The following RBFOX1 variants were observed in gnomAD, a reference collection of about 807,000 sequenced individuals.
The protein encoded by RBFOX1 is RNA binding protein fox-1 homolog 1.
A neutral mutation model predicts 57.7 loss-of-function variants in RBFOX1; 8 were observed. That is an observed-to-expected ratio of 0.14 (90% CI 0.08 to 0.25). The LOEUF is 0.25. Among genes scored for constraint, RBFOX1 ranks in the 10% least tolerant of loss-of-function variants. RBFOX1 has a pLI of 1.00. For missense variants in RBFOX1, 611 were observed against 548.5 expected (o/e 1.11, Z -1.14); for synonymous variants, 326 against 222.4 (o/e 1.47, Z -4.15).
Position 7,368,958 on chromosome 16 carries a change from C to CT in RBFOX1, c.28-149181dup, listed in dbSNP as rs930105000. On this transcript the variant is annotated intron_variant, in intron 4 of 15. Transcript: ENST00000550418. Reference sequence around the variant, plus strand: ...GGAATGAGAAGGGAGGTGAATCTTTCTTTTTTTTAACACAATGATCCTGCA... The same window carrying CT: ...GGAATGAGAAGGGAGGTGAATCTTTCTTTTTTTTTAACACAATGATCCTGCA... 6.0e-4 allele frequency among the ~76,000 whole-genome samples: 91 copies of CT among 151,848 alleles called. 1 individual carries two copies. The highest frequency in any genetic ancestry group is 2.1e-3 in the African/African-American group (88 of 41,380).
intron 1 of RBFOX1, among the ~76,000 whole-genome samples, chr16:6,220,228 A>G (rs2097363527): frequency 1.3e-5 from 2 of 152,140 alleles, no homozygotes; most frequent in South Asian, 4.2e-4. Flanking sequence ...TCATCTATCC[A>G]TTTATCGTCT....
At chr16:6,552,054 C>T (rs989182985) in intron 2 of RBFOX1, among the ~76,000 whole-genome samples, 2 of 152,180 alleles carry the variant, frequency 1.3e-5, no homozygotes, top group Non-Finnish European at 2.9e-5. Flanking sequence ...TGCCTCCCAC[C>T]TTTGCTTGGT....
At chr16:5,332,833 C>T (rs1214080029) in intron 1 of RBFOX1, among the ~76,000 whole-genome samples, 1 of 151,634 alleles carries the variant, frequency 6.6e-6, no homozygotes, top group African/African-American at 2.4e-5. Context: ...AGAAATAAAC[C>T]AGCCCTATTA....
At chr16:7,195,646 C>G (rs891988213) in intron 4 of RBFOX1, among the ~76,000 whole-genome samples, 1 of 152,166 alleles carries the variant, frequency 6.6e-6, no homozygotes, top group Non-Finnish European at 1.5e-5. Flanking sequence ...CAACCTCCAC[C>G]TCCCAGGTTC....
intron 3 of RBFOX1, among the ~76,000 whole-genome samples, chr16:6,687,812 G>C (rs1041002696): frequency 1.3e-5 from 2 of 152,200 alleles, no homozygotes; most frequent in African/African-American, 4.8e-5. Context: ...GCTAGAACAA[G>C]TCACATGGGC....
intron 4 of RBFOX1, chr16:7,328,907 C>T (rs1010195098): frequency 6.6e-6 from 1 of 152,106 alleles, no homozygotes; most frequent in Non-Finnish European, 1.5e-5. Flanking sequence ...GGACCATTGC[C>T]TGTTTTTGTA....
intron 4 of RBFOX1, among the ~76,000 whole-genome samples, chr16:5,944,812 A>T (rs2059362490): frequency 6.9e-6 from 1 of 145,126 alleles, no homozygotes. Context: ...AAAAAAAATT[A>T]GCTGGGTGTG....
intron 3 of RBFOX1, among the ~76,000 whole-genome samples, chr16:5,815,156 A>ATTT (rs71142650): frequency 0.02 from 2,292 of 114,190 alleles, 71 homozygotes; most frequent in Middle Eastern, 0.036. Flanking sequence ...ATTTAATTTA[A>ATTT]TTTTTTTTTT....
chr16:5,962,612 T>A (rs932298238), intron 4 of RBFOX1, among the ~76,000 whole-genome samples: 1 of 152,186 alleles, frequency 6.6e-6, no homozygotes, highest in African/African-American at 2.4e-5. Flanking sequence ...TAGTCATTCA[T>A]TCACTGAGCA....
At chr16:7,201,977 C>G (rs985023817) in intron 4 of RBFOX1, among the ~76,000 whole-genome samples, 5 of 152,242 alleles carry the variant, frequency 3.3e-5, no homozygotes, top group Admixed American at 2.0e-4. Flanking sequence ...CCAATTAACA[C>G]CTAAGTAGCA....
intron 3 of RBFOX1, among the ~76,000 whole-genome samples, chr16:6,968,608 C>T (rs1013329003): frequency 1.3e-5 from 2 of 151,950 alleles, no homozygotes; most frequent in Non-Finnish European, 2.9e-5. Context: ...TCCTCCCATC[C>T]TGTCAGTTTC....
chr16:6,936,686 A>G (rs2077418856), intron 3 of RBFOX1, among the ~76,000 whole-genome samples: 1 of 152,094 alleles, frequency 6.6e-6, no homozygotes, highest in Admixed American at 6.6e-5. Flanking sequence ...TAAGGCTGAG[A>G]GAGGATAGCA....
At chr16:6,957,046 C>T (rs147623123) in intron 3 of RBFOX1, among the ~76,000 whole-genome samples, 15 of 140,458 alleles carry the variant, frequency 1.1e-4, no homozygotes, top group East Asian at 3.9e-4. Context: ...CATATTCCAT[C>T]GGCAGAGCAG....
chr16:7,557,025 A>G (rs1471530221), intron 5 of RBFOX1, among the ~76,000 whole-genome samples: 1 of 152,202 alleles, frequency 6.6e-6, no homozygotes, highest in East Asian at 1.9e-4. Context: ...TATATCAATT[A>G]TTGAACAGTT....
intron 1 of RBFOX1, among the ~76,000 whole-genome samples, chr16:6,194,801 A>G (rs138960645): frequency 1.1e-3 from 169 of 152,304 alleles, no homozygotes; most frequent in Non-Finnish European, 2.0e-3. Flanking sequence ...CGTTTCGTGT[A>G]CCTTCCCTTG....
intron 3 of RBFOX1, among the ~76,000 whole-genome samples, chr16:5,819,668 C>A (rs1452318155): frequency 6.6e-6 from 1 of 152,242 alleles, no homozygotes; most frequent in Non-Finnish European, 1.5e-5. Context: ...TCTCCAGGCC[C>A]TTATCTATGC....
At chr16:7,709,228 T>C in intron 15 of RBFOX1, 97 bp downstream of exon 15, 1 of 1,202,588 alleles carries the variant, frequency 8.3e-7, no homozygotes, top group Non-Finnish European at 1.2e-6. Flanking sequence ...TCACTTCCCG[T>C]TAATTGAATT....
intron 3 of RBFOX1, among the ~76,000 whole-genome samples, chr16:6,713,045 T>C (rs544212193): frequency 6.6e-6 from 1 of 152,112 alleles, no homozygotes; most frequent in South Asian, 2.1e-4. Flanking sequence ...CCACCATGAT[T>C]GTGAGGCCTC....
At chr16:7,555,489 T>C (rs1257771089) in intron 5 of RBFOX1, among the ~76,000 whole-genome samples, 4 of 152,214 alleles carry the variant, frequency 2.6e-5, no homozygotes, top group Non-Finnish European at 4.4e-5. Context: ...GTGTACTATC[T>C]TTGCAACTTT....
Sources: gnomAD v4.1 joint callset for allele counts (sites outside exome capture counted in the v4.1 genomes callset) on GRCh38, gnomAD v4.1.1 for gene constraint, MANE v1.5 for transcripts, NCBI Gene and HGNC (gene_info 2026-07-23, HGNC 2026-07-21) for gene names.